Variants in SCTR observed in about 807,000 individuals in gnomAD.
SCTR encodes pancreatic secretin receptor.
A neutral mutation model predicts 60.8 loss-of-function variants in SCTR; 56 were observed. That is an observed-to-expected ratio of 0.92 (90% CI 0.74 to 1.15). SCTR has a LOEUF of 1.15. Ranked by LOEUF, SCTR falls within the 50% of genes most tolerant of loss-of-function variation. SCTR has a pLI of 0.00. For missense variants in SCTR, 562 were observed against 550.4 expected (o/e 1.02, Z -0.21); for synonymous variants, 202 against 217.0 (o/e 0.93, Z 0.61).
intron 2 of SCTR, among the ~76,000 whole-genome samples, chr2:119,491,406 C>T (rs1176071309): frequency 6.6e-6 from 1 of 152,222 alleles, no homozygotes; most frequent in Non-Finnish European, 1.5e-5. Flanking sequence ...CAAGAAAGCC[C>T]TCGTGGAGGC....
At chr2:119,483,801 C>A (rs141921950) in intron 2 of SCTR, among the ~76,000 whole-genome samples, 1 of 152,120 alleles carries the variant, frequency 6.6e-6, no homozygotes. Flanking sequence ...ACAGGAGGTG[C>A]GTGGCTCTAG....
intron 8 of SCTR, 132 bp downstream of exon 8, chr2:119,453,155 C>A: frequency 1.4e-6 from 1 of 707,854 alleles, no homozygotes; most frequent in Non-Finnish European, 2.5e-6. Flanking sequence ...GAGCATCAGT[C>A]CAGGGAACTC....
rs1678261233 is a variant in SCTR, at chr2:119,494,290, A to G, written c.193+138T>C. The G allele has an allele frequency of 7.5e-6, 7 of 929,218 alleles. No homozygotes were observed. The South Asian group carries it at 1.2e-4, about 16-fold the overall frequency. 57.6% of individuals were successfully genotyped at this position (929,218 alleles called of 1,614,324 possible). ...ACCAGAACCACTCCAGCCCTGCCCC[A>G]CCAGCTGATTGTCTGAGTGAGAAAA... On this transcript the variant is annotated intron_variant, in intron 2 of 12. Coordinates refer to ENST00000019103, the MANE Select transcript of SCTR (RefSeq NM_002980.3).
chr2:119,489,798 TGGA>T (rs1208382566), intron 2 of SCTR, among the ~76,000 whole-genome samples: 1 of 151,948 alleles, frequency 6.6e-6, no homozygotes, highest in African/African-American at 2.4e-5. Flanking sequence ...GTGTTTGGGG[TGGA>T]GATGTGGACA....
chr2:119,461,667 T>C (rs1683606989), intron 7 of SCTR, among the ~76,000 whole-genome samples, 180 bp downstream of exon 7: 1 of 139,048 alleles, frequency 7.2e-6, no homozygotes, highest in Non-Finnish European at 1.5e-5. Context: ...GCCAAGATCA[T>C]GCCATTGCAC....
intron 1 of SCTR, among the ~76,000 whole-genome samples, chr2:119,511,530 T>C (rs575371054): frequency 6.6e-6 from 1 of 152,228 alleles, no homozygotes; most frequent in African/African-American, 2.4e-5. Context: ...TAGTTTTCCA[T>C]GTACATATGG....
intron 11 of SCTR, among the ~76,000 whole-genome samples, chr2:119,443,123 G>A (rs1430570698): frequency 2.0e-5 from 3 of 152,162 alleles, no homozygotes; most frequent in East Asian, 1.9e-4. Flanking sequence ...CCTCCGCTGC[G>A]CTAGGGTCCA....
chr2:119,464,179 T>G lies in SCTR; in HGVS notation c.580A>C (p.Ile194Leu). 8 of 1,614,144 alleles carry G rather than the reference T, an allele frequency of 5.0e-6. No homozygotes were observed. The highest frequency in any genetic ancestry group is 5.9e-6 in the Non-Finnish European group (7 of 1,180,032). The change falls in exon 6 of 13, where the codon ATC becomes CTC. Residue 194 changes from isoleucine to leucine, a missense_variant. Ile to Leu is a conservative substitution (Grantham distance 5). Coordinates refer to ENST00000019103, the MANE Select transcript of SCTR (RefSeq NM_002980.3). ...GAGGAGAAGAGCACGGCGTCCTTGA[T>G]GAAGTTGGACAGGGCACGAAGGATG... Reference protein sequence around the residue: ...SFILRALSNFIKDAVLFSSDD... With the variant: ...SFILRALSNFLKDAVLFSSDD...
intron 9 of SCTR, 128 bp downstream of exon 9, chr2:119,451,882 C>G (rs1447483130): frequency 1.1e-5 from 7 of 657,320 alleles, no homozygotes; most frequent in East Asian, 8.2e-5. Flanking sequence ...ACCAACCTCA[C>G]AAACACTGTG....
intron 1 of SCTR, among the ~76,000 whole-genome samples, chr2:119,512,633 G>C (rs994381737): frequency 2.0e-5 from 3 of 152,114 alleles, no homozygotes; most frequent in African/African-American, 7.2e-5. Flanking sequence ...CTGACCTCAG[G>C]TGATCAACCC....
rs187906600 is a variant in SCTR, at chr2:119,502,746, C to T, written c.73-8198G>A. ...GTGGCTCACACTTGTAATCCCAGTGCTTAGAGAGGCTGAGGCCAGAGGATT... is the reference window on the plus strand; with the variant it reads ...GTGGCTCACACTTGTAATCCCAGTGTTTAGAGAGGCTGAGGCCAGAGGATT... On this transcript the variant is annotated intron_variant, in intron 1 of 12. Coordinates refer to ENST00000019103, the MANE Select transcript of SCTR (RefSeq NM_002980.3). Among the ~76,000 whole-genome samples the T allele has an allele frequency of 2.8e-3, 427 of 150,546 alleles. 1 individual carries two copies. Among genetic ancestry groups the T allele is most frequent in the Non-Finnish European group, 4.3e-3 (292 of 67,792 alleles).
In SCTR at chr2:119,519,810, C is replaced by CAA. The variant is rs71396064; in HGVS notation, c.72+4343_72+4344dup. Among the ~76,000 whole-genome samples the CAA allele has an allele frequency of 6.6e-4, 38 of 57,862 alleles. No homozygotes were observed. The South Asian group carries it at 9.2e-3, about 14-fold the overall frequency. 38.0% of individuals were successfully genotyped at this position (57,862 alleles called of 152,430 possible). ...GACAGAGTGAGATGAGACTCTGTCT[C>CAA]AAAAAAAAAAAAAAAAAGAAAAAAA... On this transcript the variant is annotated intron_variant, in intron 1 of 12. Transcript: ENST00000019103.
intron 4 of SCTR, 31 bp from the exon 5 acceptor site, chr2:119,465,917 G>A (rs772772341): frequency 5.3e-6 from 8 of 1,504,282 alleles, no homozygotes; most frequent in East Asian, 2.3e-5. Context: ...CAGCCCCGCC[G>A]GCCCTCCTGG....
chr2:119,497,336 C>A (rs192347129), intron 1 of SCTR, among the ~76,000 whole-genome samples: 88 of 151,036 alleles, frequency 5.8e-4, no homozygotes, highest in African/African-American at 2.1e-3. Flanking sequence ...CCATTCCCCC[C>A]ACTTCCCCTC....
chr2:119,443,578 G>A (rs922835705), intron 11 of SCTR, among the ~76,000 whole-genome samples: 7 of 151,880 alleles, frequency 4.6e-5, no homozygotes, highest in East Asian at 3.9e-4. Context: ...ACGGAGTCTC[G>A]CTCTGTCACC....
chr2:119,461,814 C>G (rs1449922185), intron 7 of SCTR, 33 bp downstream of exon 7: 2 of 1,580,574 alleles, frequency 1.3e-6, no homozygotes, highest in Non-Finnish European at 1.7e-6. Context: ...TTCCCACATA[C>G]CATGCAGATA....
At chr2:119,523,720 T>TCTC (rs963175507) in intron 1 of SCTR, among the ~76,000 whole-genome samples, 19 of 152,060 alleles carry the variant, frequency 1.2e-4, no homozygotes, top group African/African-American at 4.6e-4. Context: ...TTATTCCCCC[T>TCTC]CTCCTCTCCT....
intron 7 of SCTR, among the ~76,000 whole-genome samples, chr2:119,458,952 T>C (rs1445302517): frequency 6.6e-6 from 1 of 152,198 alleles, no homozygotes; most frequent in East Asian, 1.9e-4. Context: ...GGCTCATCTA[T>C]AAAGCCTGCG....
At chr2:119,483,027 A>G (rs546482749) in intron 2 of SCTR, among the ~76,000 whole-genome samples, 2 of 152,332 alleles carry the variant, frequency 1.3e-5, no homozygotes, top group South Asian at 2.1e-4. Context: ...TTGTGGAAAA[A>G]CAGATTCAGT....
Sources: allele counts gnomAD v4.1 joint callset (sites outside exome capture counted in the v4.1 genomes callset), GRCh38; gene constraint gnomAD v4.1.1; transcripts MANE v1.5; gene names NCBI Gene and HGNC (gene_info 2026-07-23, HGNC 2026-07-21).